The following NCOA2 variants were observed in gnomAD, a reference collection of about 807,000 sequenced individuals.
NCOA2 encodes class E basic helix-loop-helix protein 75.
In NCOA2, 21 loss-of-function variants were observed where a neutral mutation model predicts 145.1. The observed-to-expected ratio is 0.14, with a 90% CI of 0.10 to 0.21. NCOA2 has a LOEUF of 0.21. Among genes scored for constraint, NCOA2 ranks in the 10% least tolerant of loss-of-function variants. NCOA2 has a pLI of 1.00. For synonymous variants in NCOA2, 619 were observed against 637.5 expected, an observed-to-expected ratio of 0.97 and a Z score of 0.44; for missense variants, 1,472 against 1,837.6, an observed-to-expected ratio of 0.80 and a Z score of 3.64.
intron 1 of NCOA2, among the ~76,000 whole-genome samples, chr8:70,303,801 A>G (rs1586428470): frequency 6.6e-6 from 1 of 151,914 alleles, no homozygotes; most frequent in South Asian, 2.1e-4. Flanking sequence ...GCGGAGGGGG[A>G]AGATAAGTTA....
chr8:70,328,736 A>T (rs1806814047), intron 1 of NCOA2, among the ~76,000 whole-genome samples: 1 of 152,182 alleles, frequency 6.6e-6, no homozygotes, highest in African/African-American at 2.4e-5. Flanking sequence ...TTTCATTTGC[A>T]TTTCTCTGGT....
At position 70,314,180 on chromosome 8, in the gene NCOA2, C is replaced by CAAAAAAAAAAAAAAAA. The variant is rs61028027; in HGVS notation, c.-76-17396_-76-17381dup. 8.1e-4 allele frequency among the ~76,000 whole-genome samples: 14 copies of CAAAAAAAAAAAAAAAA among 17,200 alleles called. 2 individuals carry two copies. Among genetic ancestry groups the CAAAAAAAAAAAAAAAA allele is most frequent in the East Asian group, 4.1e-3 (1 of 244 alleles). 11.3% of individuals were successfully genotyped at this position (17,200 alleles called of 152,430 possible). A position where few individuals can be genotyped will look rare whatever the true frequency, so the allele number is the denominator to read the frequency against. On this transcript the variant is annotated intron_variant, in intron 1 of 22. Coordinates refer to ENST00000452400, the MANE Select transcript of NCOA2 (RefSeq NM_006540.4). ...GGGCGACAGAGCAAGACTCTGACTC[C>CAAAAAAAAAAAAAAAA]AAAAAAAAAAAAAAAAAAAAAAAAA...
chr8:70,432,071 T>G, the NCOA2 span, among the ~76,000 whole-genome samples: 1 of 152,230 alleles, frequency 6.6e-6, no homozygotes, highest in Admixed American at 6.5e-5. Context: ...CAGTGGTTGA[T>G]AACCATAGGT....
At chr8:70,353,074 A>C (rs1809382780) in intron 1 of NCOA2, among the ~76,000 whole-genome samples, 1 of 152,134 alleles carries the variant, frequency 6.6e-6, no homozygotes. Flanking sequence ...GTTAGAGCCA[A>C]ACTATTAATG....
chr8:70,326,418 ATT>A (rs1208454313), intron 1 of NCOA2, among the ~76,000 whole-genome samples: 99 of 144,310 alleles, frequency 6.9e-4, no homozygotes, highest in Middle Eastern at 3.5e-3. Flanking sequence ...CCCTTTCTGC[ATT>A]TCTCTCTCTC....
chr8:70,227,231 A>AT (rs1398026942), intron 2 of NCOA2, among the ~76,000 whole-genome samples: 4 of 152,160 alleles, frequency 2.6e-5, no homozygotes, highest in African/African-American at 4.8e-5. Context: ...ACTGTCACTC[A>AT]TTTAACTCCA....
intron 1 of NCOA2, among the ~76,000 whole-genome samples, chr8:70,373,179 C>T (rs902933260): frequency 1.3e-5 from 2 of 152,176 alleles, no homozygotes; most frequent in African/African-American, 4.8e-5. Context: ...TTCTAAAAAA[C>T]TGCGAACCTG....
chr8:70,403,897 G>T, upstream of NCOA2: 1 of 376,054 alleles, frequency 2.7e-6, no homozygotes, highest in Non-Finnish European at 4.7e-6. Context: ...CGCACTTGCG[G>T]AGAGACAGAC....
At chr8:70,252,511 T>C (rs1823281924) in intron 2 of NCOA2, among the ~76,000 whole-genome samples, 1 of 152,232 alleles carries the variant, frequency 6.6e-6, no homozygotes, top group African/African-American at 2.4e-5. Flanking sequence ...ACATAACTTC[T>C]TCCCATCCTT....
intron 2 of NCOA2, among the ~76,000 whole-genome samples, chr8:70,285,989 G>T (rs928578371): frequency 4.6e-5 from 7 of 151,984 alleles, no homozygotes; most frequent in Non-Finnish European, 8.8e-5. Context: ...CTAAAAATGG[G>T]GTAAGTTCTC....
chr8:70,422,052 G>A, the NCOA2 span, among the ~76,000 whole-genome samples: 166 of 151,530 alleles, frequency 1.1e-3, 1 homozygote, highest in African/African-American at 3.7e-3. Flanking sequence ...CTGAGATTGC[G>A]CCATTACACT....
chr8:70,442,163 G>GAAAGAA, the NCOA2 span, among the ~76,000 whole-genome samples: 12 of 141,572 alleles, frequency 8.5e-5, no homozygotes, highest in East Asian at 2.6e-3. Context: ...AAGAAAGAAA[G>GAAAGAA]AGAAAGGCTG....
chr8:70,158,398 T>G (rs976395686), intron 10 of NCOA2, among the ~76,000 whole-genome samples: 3 of 152,232 alleles, frequency 2.0e-5, no homozygotes, highest in African/African-American at 7.2e-5. Flanking sequence ...TATTTAAAAA[T>G]CAATATTCAA....
intron 1 of NCOA2, among the ~76,000 whole-genome samples, chr8:70,372,369 G>T (rs182139324): frequency 1.2e-4 from 18 of 152,296 alleles, no homozygotes; most frequent in East Asian, 9.6e-4. Context: ...GCTTTAACAT[G>T]TTCAGAAGTG....
At chr8:70,431,622 C>T in the NCOA2 span, among the ~76,000 whole-genome samples, 3 of 152,282 alleles carry the variant, frequency 2.0e-5, no homozygotes, top group East Asian at 1.9e-4. Context: ...ACAAATTAGT[C>T]TTTCATGATG....
rs138125949 is a variant in NCOA2, at chr8:70,300,280, G to A, written c.-76-3480C>T. Among the ~76,000 whole-genome samples the A allele has an allele frequency of 2.3e-3, 349 of 152,054 alleles. No individual in the cohort carries two copies. In the Middle Eastern group the frequency reaches 0.024, roughly 10 times the overall value. On this transcript the variant is annotated intron_variant, in intron 1 of 22. Coordinates refer to ENST00000452400, the MANE Select transcript of NCOA2 (RefSeq NM_006540.4). ...ACTGAAACTCCTGCTACTTAAAATGGGTGCATTTTATGGTCTGCAAATTAT... is the reference window on the plus strand; with the variant it reads ...ACTGAAACTCCTGCTACTTAAAATGAGTGCATTTTATGGTCTGCAAATTAT...
At chr8:70,118,082 C>T (rs1292185275) in intron 22 of NCOA2, among the ~76,000 whole-genome samples, 1 of 152,154 alleles carries the variant, frequency 6.6e-6, no homozygotes, top group Non-Finnish European at 1.5e-5. Context: ...TTTCTCGGGG[C>T]ACCTGCTCTG....
intron 1 of NCOA2, among the ~76,000 whole-genome samples, chr8:70,403,395 A>C (rs1814566318): frequency 6.6e-6 from 1 of 150,804 alleles, no homozygotes; most frequent in Admixed American, 6.6e-5. Context: ...TCGTCTCCTG[A>C]GCTCTCGCAA....
chr8:70,142,265 C>T (rs1461347959), intron 13 of NCOA2, among the ~76,000 whole-genome samples: 2 of 152,212 alleles, frequency 1.3e-5, no homozygotes, highest in Non-Finnish European at 2.9e-5. Flanking sequence ...AAATATATGG[C>T]TGCTTTCATT....
Sources: allele counts gnomAD v4.1 joint callset (sites outside exome capture counted in the v4.1 genomes callset), GRCh38; gene constraint gnomAD v4.1.1; transcripts MANE v1.5; gene names NCBI Gene and HGNC (gene_info 2026-07-23, HGNC 2026-07-21).